CSNK1G2: variants seen among roughly 807,000 people sequenced by gnomAD.
The protein encoded by CSNK1G2 is casein kinase I isoform gamma-2.
A neutral mutation model predicts 48.0 loss-of-function variants in CSNK1G2; 11 were observed. The observed-to-expected ratio is 0.23, with a 90% CI of 0.14 to 0.38. The LOEUF is 0.38. Among genes scored for constraint, CSNK1G2 ranks in the 10% least tolerant of loss-of-function variants. The pLI, the probability that CSNK1G2 is intolerant of heterozygous loss-of-function variation, is 1.00. For synonymous variants in CSNK1G2, 337 were observed against 254.1 expected, an observed-to-expected ratio of 1.33 and a Z score of -3.10; for missense variants, 446 against 595.5, an observed-to-expected ratio of 0.75 and a Z score of 2.61.
chr19:1,959,907 C>G lies in CSNK1G2; in HGVS notation c.-265-9601C>G, dbSNP rs574703404. 4.1e-3 allele frequency among the ~76,000 whole-genome samples: 616 copies of G among 151,236 alleles called. 25 individuals are homozygous for G. Among genetic ancestry groups the G allele is most frequent in the African/African-American group, 0.014 (575 of 40,696 alleles). ...CACCCGCCCCACCTTTAGTGCCACCCTGGGTCCCCACATCCCTGGCTACAC... is the reference window on the plus strand; with the variant it reads ...CACCCGCCCCACCTTTAGTGCCACCGTGGGTCCCCACATCCCTGGCTACAC... On this transcript the variant is annotated intron_variant, in intron 1 of 11. Coordinates refer to ENST00000255641, the MANE Select transcript of CSNK1G2 (RefSeq NM_001319.7).
At chr19:1,972,128 C>T (rs1019981763) in intron 2 of CSNK1G2, among the ~76,000 whole-genome samples, 15 of 152,210 alleles carry the variant, frequency 9.9e-5, no homozygotes, top group South Asian at 2.1e-4. Context: ...GCATTTTGGG[C>T]GCTGTGTGCT....
chr19:1,965,340 G>A (rs978055404), intron 1 of CSNK1G2, among the ~76,000 whole-genome samples: 1 of 148,788 alleles, frequency 6.7e-6, no homozygotes, highest in Non-Finnish European at 1.5e-5. Flanking sequence ...CCGAGATTGT[G>A]CCACTGCACT....
Position 1,978,284 on chromosome 19 carries a change from T to TC in CSNK1G2, c.188-21_188-20insC. The TC allele has an allele frequency of 6.2e-7, 1 of 1,613,188 alleles. No individual in the cohort carries two copies. The highest frequency in any genetic ancestry group is 8.5e-7 in the Non-Finnish European group (1 of 1,179,766). ...TAGGTGGGCCCTGCGCTGGCGGTGC[T>TC]GATGGTCTCTGTCCCCGCAGGAAAG... On this transcript the variant is annotated intron_variant, in intron 2 of 11. Transcript: ENST00000255641. This position sits in a 1 kb window ranked among gnomAD's most constrained non-coding sequence, Gnocchi z 7.3.
In CSNK1G2 at chr19:1,978,714, C is replaced by A; in HGVS notation, c.411C>A (p.Phe137Leu). Residue 137 changes from phenylalanine (F) to leucine (L), a missense_variant, in exon 5 of 12, where the codon TTC (phenylalanine) becomes TTA (leucine). Coordinates refer to ENST00000255641, the MANE Select transcript of CSNK1G2 (RefSeq NM_001319.7). The surrounding 1 kb of genome is among the most constrained non-coding windows in gnomAD (Gnocchi z 7.3). ...TGTTCGACCTGTGCGACCGGACCTT[C>A]ACGCTCAAGACGGTGCTGATGATCG... ...EDLFDLCDRT[F>L]TLKTVLMIAI... 1 of 1,601,834 alleles carries A rather than the reference C, an allele frequency of 6.2e-7. No homozygotes were observed.
intron 1 of CSNK1G2, among the ~76,000 whole-genome samples, chr19:1,947,089 GT>G (rs1320013862): frequency 1.3e-5 from 2 of 152,178 alleles, no homozygotes; most frequent in African/African-American, 2.4e-5. Context: ...AATCTTAGAG[GT>G]TTTTTTATTG....
At chr19:1,969,400 T>C (rs1325849541) in intron 1 of CSNK1G2, 108 bp from the exon 2 acceptor site, 1 of 167,910 alleles carries the variant, frequency 6.0e-6, no homozygotes, top group Non-Finnish European at 1.3e-5. Flanking sequence ...CAGAGCTCCT[T>C]CCAGCCCAGC....
intron 2 of CSNK1G2, 107 bp downstream of exon 2, chr19:1,970,066 G>A (rs181598064): frequency 2.9e-5 from 27 of 916,948 alleles, no homozygotes; most frequent in African/African-American, 2.7e-4. Context: ...AGCCTCTGGC[G>A]GGGCCGCCCC....
At chr19:1,950,009 G>C (rs949943423) in intron 1 of CSNK1G2, among the ~76,000 whole-genome samples, 2 of 152,266 alleles carry the variant, frequency 1.3e-5, no homozygotes, top group African/African-American at 4.8e-5. Flanking sequence ...CGAGTTCAGA[G>C]GCCGGAGGCA....
At chr19:1,964,309 AAAAC>A (rs1020539693) in intron 1 of CSNK1G2, among the ~76,000 whole-genome samples, 5 of 151,208 alleles carry the variant, frequency 3.3e-5, no homozygotes, top group African/African-American at 9.8e-5. Context: ...AAAACAAAAA[AAAAC>A]CAGGTTCAAG....
chr19:1,953,354 C>T (rs748821153), intron 1 of CSNK1G2: 19 of 531,944 alleles, frequency 3.6e-5, no homozygotes, highest in African/African-American at 1.3e-4. Flanking sequence ...GGGGCCTGTG[C>T]GCCATGGGGG....
chr19:1,969,654 CCCGCCCACCGG>C lies in CSNK1G2; in HGVS notation c.-114_-104del. On this transcript the variant is annotated 5_prime_UTR_variant, in exon 2 of 12. Transcript: ENST00000255641. Reference sequence around the variant, plus strand: ...AGTAGCTGGGAGCCACGGGCCCACGCCCGCCCACCGGCCGCAGTGATGTTCTAGCCACAGAG... The same window carrying C: ...AGTAGCTGGGAGCCACGGGCCCACGCCCGCAGTGATGTTCTAGCCACAGAG... 1.1e-6 allele frequency: 1 copy of C among 938,174 alleles called. No homozygotes were observed. The highest frequency in any genetic ancestry group is 3.3e-5 in the East Asian group (1 of 30,252). The allele number at this position is 938,174 out of a possible 1,614,324, so 58.1% of individuals were successfully genotyped here. A position where few individuals can be genotyped will look rare whatever the true frequency, so the allele number is the denominator to read the frequency against.
intron 1 of CSNK1G2, among the ~76,000 whole-genome samples, chr19:1,945,061 C>G (rs2014504318): frequency 6.6e-6 from 1 of 152,252 alleles, no homozygotes; most frequent in Admixed American, 6.5e-5. Context: ...CATGCTGTCC[C>G]CCAGGCACTG....
chr19:1,970,058 C>T (rs894996337), intron 2 of CSNK1G2, 99 bp downstream of exon 2: 3 of 1,043,446 alleles, frequency 2.9e-6, no homozygotes, highest in Admixed American at 4.1e-5. Flanking sequence ...GTCACTGGAG[C>T]CTCTGGCGGG....
chr19:1,948,525 A>C (rs2145501289), intron 1 of CSNK1G2, among the ~76,000 whole-genome samples: 1 of 118,768 alleles, frequency 8.4e-6, no homozygotes, highest in East Asian at 2.3e-4. Flanking sequence ...CCGTCTCAAA[A>C]AAAAAAAAAA....
chr19:1,979,441 C>T (rs2015891132), intron 8 of CSNK1G2, 38 bp downstream of exon 8: 1 of 1,419,242 alleles, frequency 7.0e-7, no homozygotes, highest in East Asian at 2.5e-5. Flanking sequence ...TGCCCCCCAC[C>T]CCCCACCCCC....
intron 1 of CSNK1G2, among the ~76,000 whole-genome samples, chr19:1,952,245 C>T (rs951770453): frequency 1.3e-5 from 2 of 152,048 alleles, no homozygotes; most frequent in Non-Finnish European, 2.9e-5. Flanking sequence ...GCTAGTGCGC[C>T]GATAGCGTGT....
In CSNK1G2 at chr19:1,969,870, C is replaced by T. The variant is rs373647981; in HGVS notation, c.98C>T (p.Ser33Leu). 2.5e-5 allele frequency: 33 copies of T among 1,311,832 alleles called. No homozygotes were observed. Among genetic ancestry groups the T allele is most frequent in the South Asian group, 3.1e-5 (1 of 31,978 alleles). 81.3% of individuals were successfully genotyped at this position (1,311,832 alleles called of 1,614,324 possible). Residue 33 changes from serine to leucine, a missense_variant, in exon 2 of 12, where the codon TCG (serine) becomes TTG (leucine). Physicochemically the swap from Ser to Leu is moderately radical, Grantham distance 145. Coordinates refer to ENST00000255641, the MANE Select transcript of CSNK1G2 (RefSeq NM_001319.7). The stretch of plus-strand genomic sequence containing the variant: ...CGGAGCAGCCACGGCATCCGGAGCT[C>T]GGGGACCAGCTCGGGGGTCCTGATG... ...GGRSSHGIRS[S>L]GTSSGVLMVG...
At chr19:1,945,335 G>A (rs1161726073) in intron 1 of CSNK1G2, among the ~76,000 whole-genome samples, 1 of 152,200 alleles carries the variant, frequency 6.6e-6, no homozygotes, top group African/African-American at 2.4e-5. Flanking sequence ...TTCGGGGCAC[G>A]CGTCTGAGGT....
chr19:1,949,224 A>G (rs997404997), intron 1 of CSNK1G2, among the ~76,000 whole-genome samples: 21 of 152,214 alleles, frequency 1.4e-4, no homozygotes, highest in African/African-American at 4.8e-4. Context: ...TGGCCCCATC[A>G]GCAGCCAGCC....
Sources: gnomAD v4.1 joint callset for allele counts (sites outside exome capture counted in the v4.1 genomes callset) on GRCh38, gnomAD v4.1.1 for gene constraint, Gnocchi (gnomAD v3.1) non-coding constraint, MANE v1.5 for transcripts, NCBI Gene and HGNC (gene_info 2026-07-23, HGNC 2026-07-21) for gene names.